Variants in MPDZ observed in about 807,000 individuals in gnomAD.
MPDZ encodes the protein multiple PDZ domain crumbs cell polarity complex component.
Under a neutral mutation model 239.1 loss-of-function variants are expected in MPDZ, and 234 were observed. The ratio of observed to expected loss-of-function variants is 0.98; its 90% CI spans 0.88 to 1.09. The LOEUF is 1.09. Among genes scored for constraint, MPDZ ranks in the 50% least tolerant of loss-of-function variants. The probability of loss-of-function intolerance (pLI) is 0.00; values close to 1 mark genes in which losing one functional copy is unlikely to be tolerated. For missense variants in MPDZ, 3,175 were observed against 2,510.0 expected, an observed-to-expected ratio of 1.26 and a Z score of -5.66; for synonymous variants, 1,048 against 881.3, an observed-to-expected ratio of 1.19 and a Z score of -3.35.
intron 21 of MPDZ, among the ~76,000 whole-genome samples, chr9:13,175,008 G>C (rs902191113): frequency 6.6e-6 from 1 of 152,100 alleles, no homozygotes; most frequent in African/African-American, 2.4e-5. Context: ...CTTCATAGAA[G>C]GAAAAGGATC....
Position 13,257,455 on chromosome 9 carries a change from T to C in MPDZ, c.-57-7083A>G, listed in dbSNP as rs1330130. 5.5e-3 allele frequency among the ~76,000 whole-genome samples: 835 copies of C among 152,258 alleles called. 6 individuals are homozygous for C. Among genetic ancestry groups the C allele is most frequent in the African/African-American group, 0.018 (748 of 41,552 alleles). On this transcript the variant is annotated intron_variant, in intron 1 of 46. Coordinates refer to ENST00000319217, the MANE Select transcript of MPDZ (RefSeq NM_001378778.1). ...CCCAAACTCTATCACACTACCCATA[T>C]TTTCCAAACTGTCTCACAAAAATCA... is the stretch of plus-strand genomic sequence containing the variant.
intron 18 of MPDZ, among the ~76,000 whole-genome samples, chr9:13,184,755 T>A (rs1953862437): frequency 6.6e-6 from 1 of 152,022 alleles, no homozygotes; most frequent in Non-Finnish European, 1.5e-5. Flanking sequence ...TGTATATTGC[T>A]GATATCTTAG....
rs535598404 is a variant in MPDZ at position 13,136,154 on chromosome 9, C to T, written c.4321G>A (p.Val1441Ile). 48 of 1,612,124 alleles carry T rather than the reference C, an allele frequency of 3.0e-5. No homozygotes were observed. Among genetic ancestry groups the T allele is most frequent in the South Asian group, 2.1e-4 (19 of 90,916 alleles). The change falls in exon 31 of 47, where the codon GTA becomes ATA. Residue 1441 changes from valine (V) to isoleucine (I), a missense_variant. Physicochemically the swap from Val to Ile is conservative, Grantham distance 29. Transcript: ENST00000319217. ...GGTTCTACTGCATTTCCAGGACATA[C>T]GGCCATCTGATTCACTGCATCTTTA... ...RNKDAVNQMA[V>I]CPGNAVEPLP...
At chr9:13,199,688 G>A (rs1263917683) in intron 12 of MPDZ, among the ~76,000 whole-genome samples, 1 of 152,026 alleles carries the variant, frequency 6.6e-6, no homozygotes. Flanking sequence ...TTGCTAGCTT[G>A]TTGAAAGATT....
intron 3 of MPDZ, among the ~76,000 whole-genome samples, chr9:13,239,340 T>C (rs1964818876): frequency 6.6e-6 from 1 of 152,176 alleles, no homozygotes. Context: ...CCTGCCTGGC[T>C]CTACCACTTA....
intron 1 of MPDZ, among the ~76,000 whole-genome samples, chr9:13,276,156 A>G (rs778829319): frequency 2.4e-4 from 36 of 152,180 alleles, no homozygotes; most frequent in Admixed American, 1.9e-3. Context: ...ACTCTCCCCA[A>G]TGCCTAACCC....
At chr9:13,163,447 T>C (rs1950694473) in intron 22 of MPDZ, among the ~76,000 whole-genome samples, 1 of 152,270 alleles carries the variant, frequency 6.6e-6, no homozygotes, top group Non-Finnish European at 1.5e-5. Context: ...TGAATGGCCA[T>C]TTACTAATTC....
intron 27 of MPDZ, 24 bp from the exon 28 acceptor site, chr9:13,140,173 T>G (rs766558522): frequency 2.5e-6 from 4 of 1,611,288 alleles, no homozygotes; most frequent in Non-Finnish European, 2.5e-6. Context: ...AAGAATGCAG[T>G]GGGTTTGTAC....
In MPDZ at chr9:13,121,621, C is replaced by A. The variant is rs896182052; in HGVS notation, c.5231+118G>T. 3 of 1,016,858 alleles carry A rather than the reference C, an allele frequency of 3.0e-6. No individual in the cohort carries two copies. In the African/African-American group the frequency reaches 4.8e-5, roughly 16 times the overall value. The allele number at this position is 1,016,858 out of a possible 1,614,324, so 63.0% of individuals were successfully genotyped here. A position where few individuals can be genotyped will look rare whatever the true frequency, so the allele number is the denominator to read the frequency against. On this transcript the variant is annotated intron_variant, in intron 38 of 46. Transcript: ENST00000319217. ...GGTTCCTTAGTGAGGGGGCTAACAA[C>A]AGCTACCTACTGAACACTAGCCACT...
At chr9:13,187,816 C>T (rs1954341121) in intron 17 of MPDZ, among the ~76,000 whole-genome samples, 1 of 152,108 alleles carries the variant, frequency 6.6e-6, no homozygotes, top group Non-Finnish European at 1.5e-5. Context: ...GAGAACATCT[C>T]TAATATTTAA....
intron 30 of MPDZ, 25 bp from the exon 31 acceptor site, chr9:13,136,207 A>C: frequency 6.8e-7 from 1 of 1,464,628 alleles, no homozygotes; most frequent in Non-Finnish European, 9.5e-7. Context: ...ACAACAACCT[A>C]TTATAACATC....
intron 24 of MPDZ, 25 bp from the exon 25 acceptor site, chr9:13,150,713 C>A: frequency 7.7e-7 from 1 of 1,299,304 alleles, no homozygotes; most frequent in Admixed American, 3.3e-5. Context: ...AAATTTTCAA[C>A]TCTTAGGAAA....
chr9:13,146,433 T>A (rs757395627), intron 26 of MPDZ, among the ~76,000 whole-genome samples: 15 of 152,088 alleles, frequency 9.9e-5, no homozygotes, highest in Non-Finnish European at 1.8e-4. Context: ...TATCTTAAAT[T>A]CTTAACTTTA....
intron 23 of MPDZ, among the ~76,000 whole-genome samples, chr9:13,160,055 ATGATGAGAAAGACACT>A (rs1177583427): frequency 6.6e-6 from 1 of 152,180 alleles, no homozygotes; most frequent in South Asian, 2.1e-4. Context: ...AGAAAGACAC[ATGATGAGAAAGACACT>A]GGCAGACAGC....
intron 3 of MPDZ, among the ~76,000 whole-genome samples, chr9:13,228,452 G>A (rs1961321613): frequency 6.6e-6 from 1 of 152,040 alleles, no homozygotes; most frequent in South Asian, 2.1e-4. Context: ...GTCAGAACCA[G>A]TATTGATTCA....
At position 13,215,561 on chromosome 9, in the gene MPDZ, C is replaced by A. The variant is rs528851916; in HGVS notation, c.1290+1213G>T. On this transcript the variant is annotated intron_variant, in intron 10 of 46. Coordinates refer to ENST00000319217, the MANE Select transcript of MPDZ (RefSeq NM_001378778.1). The stretch of plus-strand genomic sequence containing the variant: ...CTCCTCTACCTTAATATCCTACTTT[C>A]TCACTATTATTAAGATTCTAAGGGA... Among the ~76,000 whole-genome samples the A allele has an allele frequency of 5.9e-5, 9 of 151,302 alleles. No individual in the cohort carries two copies. The Admixed American group carries it at 6.0e-4, about 10-fold the overall frequency.
At chr9:13,156,475 C>G (rs1185485636) in intron 24 of MPDZ, among the ~76,000 whole-genome samples, 1 of 152,186 alleles carries the variant, frequency 6.6e-6, no homozygotes, top group Non-Finnish European at 1.5e-5. Flanking sequence ...ATGTGGATGG[C>G]AGCAGGCAAA....
In MPDZ at chr9:13,123,152, C is replaced by A. The variant is rs767956699; in HGVS notation, c.4953+1G>T. Reference sequence around the variant, plus strand: ...CAGAAGCACCTCTGGGTGGTGCTCACCAGCAGCGTGTCTGAACCCCCAACG... The same window carrying A: ...CAGAAGCACCTCTGGGTGGTGCTCAACAGCAGCGTGTCTGAACCCCCAACG... On this transcript the variant is annotated splice_donor_variant, in intron 36 of 46. Transcript: ENST00000319217. LOFTEE classifies it high-confidence loss of function. 2 of 1,611,596 alleles carry A rather than the reference C, an allele frequency of 1.2e-6. No individual in the cohort carries two copies. The highest frequency in any genetic ancestry group is 1.7e-6 in the Non-Finnish European group (2 of 1,179,300).
At chr9:13,239,420 T>C (rs73408244) in intron 3 of MPDZ, among the ~76,000 whole-genome samples, 1 of 152,302 alleles carries the variant, frequency 6.6e-6, no homozygotes, top group African/African-American at 2.4e-5. Flanking sequence ...ATAGTATTGT[T>C]GTAATGATGA....
Sources: gnomAD v4.1 joint callset for allele counts (sites outside exome capture counted in the v4.1 genomes callset) on GRCh38, gnomAD v4.1.1 for gene constraint, MANE v1.5 for transcripts, NCBI Gene and HGNC (gene_info 2026-07-23, HGNC 2026-07-21) for gene names.